Variants in RAD18 observed in about 807,000 individuals in gnomAD.
The protein encoded by RAD18 is E3 ubiquitin-protein ligase RAD18.
A neutral mutation model predicts 60.4 loss-of-function variants in RAD18; 47 were observed. That is an observed-to-expected ratio of 0.78 (90% CI 0.62 to 0.99). RAD18 has a LOEUF of 0.99. Ranked by LOEUF, RAD18 falls within the 50% of genes least tolerant of loss-of-function variation. The pLI is 0.00. For missense variants in RAD18, 640 were observed against 593.3 expected, an observed-to-expected ratio of 1.08 and a Z score of -0.82; for synonymous variants, 225 against 195.5, an observed-to-expected ratio of 1.15 and a Z score of -1.26.
At chr3:8,950,877 A>T (rs1940916154) in intron 2 of RAD18, among the ~76,000 whole-genome samples, 1 of 151,998 alleles carries the variant, frequency 6.6e-6, no homozygotes, top group Non-Finnish European at 1.5e-5. Context: ...GCTATAACAG[A>T]ATGCCTTTGA....
chr3:8,936,182 G>A lies in RAD18; in HGVS notation c.705-127C>T, dbSNP rs965809815. 4.9e-5 allele frequency: 45 copies of A among 927,358 alleles called. 1 individual carries two copies. The South Asian group carries it at 8.4e-4, about 17-fold the overall frequency. The allele number at this position is 927,358 out of a possible 1,614,324, so 57.4% of individuals were successfully genotyped here. On this transcript the variant is annotated intron_variant, in intron 6 of 12. Coordinates refer to ENST00000264926, the MANE Select transcript of RAD18 (RefSeq NM_020165.4). The stretch of plus-strand genomic sequence containing the variant: ...AATAGTAGAACCATTAGATTAAAAA[G>A]GGGAGAGAAAAATCAAGTTTGTGGA...
chr3:8,917,673 A>G (rs1940230612), intron 7 of RAD18, among the ~76,000 whole-genome samples: 2 of 144,910 alleles, frequency 1.4e-5, no homozygotes, highest in South Asian at 2.3e-4. Context: ...GAAATAAAAT[A>G]TAATAATAAA....
intron 7 of RAD18, among the ~76,000 whole-genome samples, chr3:8,924,499 TCAA>T (rs1295238783): frequency 1.4e-5 from 2 of 142,224 alleles, no homozygotes; most frequent in Non-Finnish European, 3.1e-5. Flanking sequence ...ATTAGACAGA[TCAA>T]CGAGACAGAA....
At position 8,902,384 on chromosome 3, in the gene RAD18, G is replaced by C; in HGVS notation, c.1164C>G (p.Cys388Trp). The C allele has an allele frequency of 6.3e-7, 1 of 1,584,760 alleles. No homozygotes were observed. ...DESTEKLSSVCMGQEDNMTSV... is the reference protein window; with the variant it reads ...DESTEKLSSVWMGQEDNMTSV... ...TTTTTAATTATAGTCTCTTACCCAT[G>C]CATACAGAAGATAGCTTTTCTGTAG... Residue 388 changes from cysteine to tryptophan, a missense_variant, in exon 10 of 13, where the codon TGC becomes TGG. By Grantham distance (215) the Cys-to-Trp change is radical. Transcript: ENST00000264926.
chr3:8,919,187 A>G (rs1235522451), intron 7 of RAD18, among the ~76,000 whole-genome samples: 2 of 152,210 alleles, frequency 1.3e-5, no homozygotes, highest in South Asian at 2.1e-4. Context: ...CTGGGAACTA[A>G]ATCATCATTA....
Position 8,881,141 on chromosome 3 carries a change from A to G in RAD18, c.*216T>C. 2.0e-6 allele frequency: 1 copy of G among 489,386 alleles called. No individual in the cohort carries two copies. The highest frequency in any genetic ancestry group is 3.6e-6 in the Non-Finnish European group (1 of 275,254). 30.3% of individuals were successfully genotyped at this position (489,386 alleles called of 1,614,324 possible). On this transcript the variant is annotated 3_prime_UTR_variant, in exon 13 of 13. Transcript: ENST00000264926. Reference sequence around the variant, plus strand: ...CTGTGTGAAATGTCAGTATTTTTAGAGAGAGATGTTTTAGAGGCAGGAGGC... The same window carrying G: ...CTGTGTGAAATGTCAGTATTTTTAGGGAGAGATGTTTTAGAGGCAGGAGGC...
chr3:8,915,401 C>A (rs1940181496), intron 7 of RAD18, among the ~76,000 whole-genome samples: 1 of 152,072 alleles, frequency 6.6e-6, no homozygotes, highest in Non-Finnish European at 1.5e-5. Flanking sequence ...AGAGAGGGAT[C>A]ATGAGCACTG....
chr3:8,898,922 A>G lies in RAD18; in HGVS notation c.1294T>C (p.Ser432Pro), dbSNP rs781286610. The G allele has an allele frequency of 1.3e-6, 2 of 1,599,782 alleles. No individual in the cohort carries two copies. Among genetic ancestry groups the G allele is most frequent in the African/African-American group, 1.3e-5 (1 of 74,364 alleles). The change falls in exon 11 of 13, where the codon TCT becomes CCT. Residue 432 changes from serine (S) to proline (P), a missense_variant. Coordinates refer to ENST00000264926, the MANE Select transcript of RAD18 (RefSeq NM_020165.4). ...SSCIDIQEVLSSSESDSCNSS... is the reference protein window; with the variant it reads ...SSCIDIQEVLPSSESDSCNSS... Reference sequence around the variant, plus strand: ...TTGCATGAATCTGATTCTGATGAAGAAAGAACTTCTTGAATATCAATACAG... The same window carrying G: ...TTGCATGAATCTGATTCTGATGAAGGAAGAACTTCTTGAATATCAATACAG...
At chr3:8,943,952 A>T (rs1424647906) in intron 4 of RAD18, among the ~76,000 whole-genome samples, 1 of 152,194 alleles carries the variant, frequency 6.6e-6, no homozygotes, top group Non-Finnish European at 1.5e-5. Context: ...AGAAGAGAGA[A>T]ACTAATAACA....
chr3:8,889,676 T>G (rs979993831), intron 12 of RAD18, among the ~76,000 whole-genome samples: 4 of 152,104 alleles, frequency 2.6e-5, no homozygotes, highest in African/African-American at 9.7e-5. Flanking sequence ...GACATCTATA[T>G]GATGAAGCAG....
intron 7 of RAD18, among the ~76,000 whole-genome samples, chr3:8,919,541 A>G (rs576571419): frequency 1.3e-5 from 2 of 152,338 alleles, no homozygotes; most frequent in East Asian, 3.9e-4. Flanking sequence ...GAAACATGTA[A>G]GTGTACATGG....
chr3:8,957,398 A>AAG (rs1941032280), intron 2 of RAD18, among the ~76,000 whole-genome samples: 2 of 152,368 alleles, frequency 1.3e-5, no homozygotes, highest in Admixed American at 1.3e-4. Flanking sequence ...TGGAGGACTT[A>AAG]CAATGCCTGA....
chr3:8,939,350 T>G, intron 6 of RAD18, among the ~76,000 whole-genome samples: 1 of 152,184 alleles, frequency 6.6e-6, no homozygotes, highest in Admixed American at 6.5e-5. Context: ...ATATTCAATA[T>G]AGCTAATCAT....
intron 7 of RAD18, among the ~76,000 whole-genome samples, chr3:8,917,297 A>T (rs1239301320): frequency 6.6e-6 from 1 of 152,238 alleles, no homozygotes; most frequent in Non-Finnish European, 1.5e-5. Context: ...CATTACAAAA[A>T]GTATTAAAAC....
At chr3:8,888,171 C>T (rs250406) in intron 12 of RAD18, among the ~76,000 whole-genome samples, 115,272 of 152,126 alleles carry the variant, frequency 0.76, 43,997 homozygotes, top group South Asian at 0.88. Flanking sequence ...ACCACGCTAG[C>T]GTCTTTCCCT....
intron 12 of RAD18, among the ~76,000 whole-genome samples, chr3:8,884,787 A>G (rs531504396): frequency 1.8e-4 from 27 of 152,244 alleles, no homozygotes; most frequent in African/African-American, 6.5e-4. Context: ...CAATTCTCTA[A>G]AACACCTCAT....
rs1939461587 is a variant in RAD18 at position 8,881,473 on chromosome 3, A to G, written c.1386-14T>C. On this transcript the variant is annotated splice_polypyrimidine_tract_variant and intron_variant, in intron 12 of 12. Coordinates refer to ENST00000264926, the MANE Select transcript of RAD18 (RefSeq NM_020165.4). The stretch of plus-strand genomic sequence containing the variant: ...TGAAGATCGTTTCTGAAGACAGAAA[A>G]AGGAAATGACATCTTGGAAAGTAAT... 6.4e-7 allele frequency: 1 copy of G among 1,558,974 alleles called. No individual in the cohort carries two copies. The highest frequency in any genetic ancestry group is 8.8e-7 in the Non-Finnish European group (1 of 1,131,522).
In RAD18 at chr3:8,892,521, A is replaced by G. The variant is rs552747528; in HGVS notation, c.1323-2070T>C. Among the ~76,000 whole-genome samples, 5 of 152,286 alleles carry G rather than the reference A, an allele frequency of 3.3e-5. No homozygotes were observed. The South Asian group carries it at 1.0e-3, about 32-fold the overall frequency. On this transcript the variant is annotated intron_variant, in intron 11 of 12. Coordinates refer to ENST00000264926, the MANE Select transcript of RAD18 (RefSeq NM_020165.4). ...CTGCAATTTATTTTTCACACCTTTT[A>G]GTCAGCTTTTAGCCTTATTTTCAGG...
intron 7 of RAD18, among the ~76,000 whole-genome samples, chr3:8,927,325 G>C (rs1325406954): frequency 1.3e-5 from 2 of 152,134 alleles, no homozygotes; most frequent in African/African-American, 2.4e-5. Context: ...ACCATCACTG[G>C]CCATCAGAGA....
Sources: allele counts gnomAD v4.1 joint callset (sites outside exome capture counted in the v4.1 genomes callset), GRCh38; gene constraint gnomAD v4.1.1; transcripts MANE v1.5; gene names NCBI Gene and HGNC (gene_info 2026-07-23, HGNC 2026-07-21).